DNAH5: variants seen among roughly 807,000 people sequenced by gnomAD.
DNAH5 encodes dynein axonemal heavy chain 5.
Under a neutral mutation model 518.2 loss-of-function variants are expected in DNAH5, and 372 were observed. The observed-to-expected ratio is 0.72, with a 90% CI of 0.66 to 0.78. The LOEUF is 0.78. Among genes scored for constraint, DNAH5 ranks in the 30% least tolerant of loss-of-function variants. DNAH5 has a pLI of 0.00. For missense variants in DNAH5, 5,523 were observed against 5,687.0 expected (o/e 0.97, Z 0.93); for synonymous variants, 2,039 against 2,025.9 (o/e 1.01, Z -0.17).
At position 13,902,071 on chromosome 5, in the gene DNAH5, A is replaced by G; in HGVS notation, c.1712T>C (p.Met571Thr). The change falls in exon 13 of 79, where the codon ATG becomes ACG. Residue 571 changes from methionine (M) to threonine (T), a missense_variant. By Grantham distance (81) the Met-to-Thr change is moderately conservative. Around this residue, in one of 3 missense-constraint regions of DNAH5, gnomAD observed 5,121 missense variants for 5,223.3 expected, o/e 0.98. Coordinates refer to ENST00000265104, the MANE Select transcript of DNAH5 (RefSeq NM_001369.3). ...KIQNTNQALR[M>T]LKKFERLNIP... ...ATTTTACCTTTCAAATTTCTTCAAC[A>G]TTCTTAGAGCTTGATTTGTGTTTTG... 1.2e-6 allele frequency: 2 copies of G among 1,605,758 alleles called. No homozygotes were observed. Among genetic ancestry groups the G allele is most frequent in the South Asian group, 2.2e-5 (2 of 90,286 alleles).
chr5:13,900,444 G>A (rs941036706), intron 14 of DNAH5, 32 bp from the exon 15 acceptor site: 2 of 1,565,326 alleles, frequency 1.3e-6, no homozygotes, highest in Admixed American at 3.3e-5. Context: ...ATTACTATCA[G>A]AAAGTTCAAT....
intron 55 of DNAH5, among the ~76,000 whole-genome samples, chr5:13,771,493 T>C (rs1467337712): frequency 6.6e-6 from 1 of 152,222 alleles, no homozygotes; most frequent in African/African-American, 2.4e-5. Context: ...AGCTGGTCAT[T>C]TGTGGTCAGT....
At chr5:13,743,193 T>C (rs1748847792) in intron 65 of DNAH5, among the ~76,000 whole-genome samples, 3 of 152,030 alleles carry the variant, frequency 2.0e-5, no homozygotes, top group African/African-American at 7.2e-5. Context: ...TATTGATAGA[T>C]AGGTAGGTAG....
chr5:13,946,141 G>A (rs141202257), upstream of DNAH5, among the ~76,000 whole-genome samples: 190 of 152,228 alleles, frequency 1.2e-3, no homozygotes, highest in Middle Eastern at 0.02. Context: ...TTACATCGCC[G>A]ATTATCTTTC....
chr5:13,898,361 A>G (rs1014546376), intron 15 of DNAH5: 1 of 391,450 alleles, frequency 2.6e-6, no homozygotes, highest in Non-Finnish European at 4.5e-6. Flanking sequence ...GTTTCTTAGT[A>G]AAAATATTAT....
At chr5:13,807,464 T>G in intron 47 of DNAH5, 127 bp downstream of exon 47, 1 of 833,334 alleles carries the variant, frequency 1.2e-6, no homozygotes, top group Non-Finnish European at 2.0e-6. Flanking sequence ...ATGGAAGACG[T>G]ACGTGGGTGA....
At chr5:13,909,433 G>A (rs1775721879) in intron 12 of DNAH5, among the ~76,000 whole-genome samples, 2 of 151,798 alleles carry the variant, frequency 1.3e-5, no homozygotes, top group African/African-American at 2.4e-5. Context: ...GTTGACCCTG[G>A]GTAATTGAAA....
chr5:13,857,311 T>C (rs920344597), intron 30 of DNAH5, among the ~76,000 whole-genome samples: 5 of 152,156 alleles, frequency 3.3e-5, no homozygotes, highest in Admixed American at 6.5e-5. Flanking sequence ...ACAAGGGATG[T>C]GAAGGACCTC....
intron 1 of DNAH5, among the ~76,000 whole-genome samples, chr5:14,003,802 C>A (rs1451304666): frequency 6.6e-6 from 1 of 152,238 alleles, no homozygotes. Context: ...GAAAGCAGCC[C>A]ACTGCCCTGA....
At chr5:13,746,364 G>C (rs1749329770) in intron 65 of DNAH5, among the ~76,000 whole-genome samples, 1 of 152,092 alleles carries the variant, frequency 6.6e-6, no homozygotes, top group Admixed American at 6.6e-5. Context: ...AAATCTATTT[G>C]TTAGGTTACT....
rs763573190 is a variant in DNAH5, at chr5:13,758,997, A to G, written c.10282-14T>C. ...CACCAAGTTGGCCTGCACAGGACACACACAGAGTGAAGAGATGGGCAGCCA... is the reference window on the plus strand; with the variant it reads ...CACCAAGTTGGCCTGCACAGGACACGCACAGAGTGAAGAGATGGGCAGCCA... On this transcript the variant is annotated splice_polypyrimidine_tract_variant and intron_variant, in intron 60 of 78. Coordinates refer to ENST00000265104, the MANE Select transcript of DNAH5 (RefSeq NM_001369.3). The G allele has an allele frequency of 9.3e-6, 15 of 1,613,930 alleles. No homozygotes were observed. Among genetic ancestry groups the G allele is most frequent in the East Asian group, 4.5e-5 (2 of 44,896 alleles).
intron 1 of DNAH5, among the ~76,000 whole-genome samples, chr5:13,980,758 T>G (rs1160081138): frequency 6.6e-6 from 1 of 152,154 alleles, no homozygotes; most frequent in African/African-American, 2.4e-5. Context: ...GTTCATGTTT[T>G]TCCTGCTAGC....
At position 13,701,314 on chromosome 5, in the gene DNAH5, G is replaced by T; in HGVS notation, c.13461C>A (p.Asn4487Lys). 6.2e-6 allele frequency: 10 copies of T among 1,614,022 alleles called. No homozygotes were observed. Among genetic ancestry groups the T allele is most frequent in the Non-Finnish European group, 8.5e-6 (10 of 1,179,984 alleles). Residue 4487 changes from asparagine (N) to lysine (K), a missense_variant, in exon 77 of 79, where the codon AAC becomes AAA. Coordinates refer to ENST00000265104, the MANE Select transcript of DNAH5 (RefSeq NM_001369.3). The part of the protein sequence containing the change: ...PHCFWMTGFF[N>K]PQGFLTAMRQ... ...GCATTGCAGTTAAAAATCCCTGGGG[G>T]TTAAAAAAACCCGTCATCCAAAAGC...
At chr5:13,747,960 A>G (rs1323998149) in intron 65 of DNAH5, among the ~76,000 whole-genome samples, 2 of 152,132 alleles carry the variant, frequency 1.3e-5, no homozygotes, top group African/African-American at 4.8e-5. Flanking sequence ...GCCCATGCCT[A>G]TGTCCTGAAT....
At position 13,926,773 on chromosome 5, in the gene DNAH5, T is replaced by A. The variant is rs1279533527; in HGVS notation, c.277+1321A>T. Among the ~76,000 whole-genome samples, 6 of 152,328 alleles carry A rather than the reference T, an allele frequency of 3.9e-5. No individual in the cohort carries two copies. In the South Asian group the frequency reaches 1.2e-3, roughly 32 times the overall value. On this transcript the variant is annotated intron_variant, in intron 3 of 78. Coordinates refer to ENST00000265104, the MANE Select transcript of DNAH5 (RefSeq NM_001369.3). The stretch of plus-strand genomic sequence containing the variant: ...TCCTACGAACACTTCTTGGTCCAAG[T>A]AAAATTTACGCAGAAGGCCAGTTTC...
chr5:13,807,872 G>A (rs923511532), intron 46 of DNAH5, 147 bp from the exon 47 acceptor site: 5 of 723,354 alleles, frequency 6.9e-6, no homozygotes, highest in South Asian at 1.9e-5. Context: ...TTAAAGAGGT[G>A]ACTAAGGTAA....
At chr5:13,732,497 G>T (rs1288731227) in intron 68 of DNAH5, among the ~76,000 whole-genome samples, 2 of 152,094 alleles carry the variant, frequency 1.3e-5, no homozygotes, top group Non-Finnish European at 2.9e-5. Context: ...CTCCCAAGTA[G>T]CTGGGACTAC....
At chr5:13,833,207 G>A (rs1015367819) in intron 35 of DNAH5, among the ~76,000 whole-genome samples, 15 of 151,190 alleles carry the variant, frequency 9.9e-5, no homozygotes, top group African/African-American at 2.7e-4. Context: ...TTGGGAGGCC[G>A]AGGCGGATGG....
At chr5:13,917,969 T>A (rs13359360) in intron 7 of DNAH5, among the ~76,000 whole-genome samples, 2,323 of 152,330 alleles carry the variant, frequency 0.015, 68 homozygotes, top group African/African-American at 0.053. Context: ...CCAGCACCAG[T>A]GCCAGGTGAG....
Sources: gnomAD v4.1 joint callset for allele counts (sites outside exome capture counted in the v4.1 genomes callset) on GRCh38, gnomAD v4.1.1 for gene constraint, gnomAD v4.1.1 regional missense constraint, MANE v1.5 for transcripts, NCBI Gene and HGNC (gene_info 2026-07-23, HGNC 2026-07-21) for gene names.